The following BBS9 variants were observed in gnomAD, a reference collection of about 807,000 sequenced individuals.
The protein encoded by BBS9 is protein PTHB1.
Under a neutral mutation model 117.7 loss-of-function variants are expected in BBS9, and 89 were observed. The ratio of observed to expected loss-of-function variants is 0.76; its 90% CI spans 0.64 to 0.90. The LOEUF is 0.90. Among genes scored for constraint, BBS9 ranks in the 40% least tolerant of loss-of-function variants. The pLI, the probability that BBS9 is intolerant of heterozygous loss-of-function variation, is 0.00. For missense variants in BBS9, 982 were observed against 1,042.2 expected, an observed-to-expected ratio of 0.94 and a Z score of 0.80; for synonymous variants, 379 against 370.9, an observed-to-expected ratio of 1.02 and a Z score of -0.25.
At chr7:33,543,957 T>C (rs1412671808) in intron 21 of BBS9, among the ~76,000 whole-genome samples, 1 of 152,232 alleles carries the variant, frequency 6.6e-6, no homozygotes, top group African/African-American at 2.4e-5. Flanking sequence ...CTTCGAGCTC[T>C]GATTTTTTTT....
intron 9 of BBS9, among the ~76,000 whole-genome samples, chr7:33,298,893 C>T (rs568766481): frequency 3.9e-5 from 6 of 152,288 alleles, no homozygotes; most frequent in Non-Finnish European, 5.9e-5. Context: ...GAACAAGTCA[C>T]GCTTTTCTTT....
At chr7:33,328,782 TGAAA>T (rs1266768475) in intron 9 of BBS9, among the ~76,000 whole-genome samples, 1 of 152,142 alleles carries the variant, frequency 6.6e-6, no homozygotes, top group Non-Finnish European at 1.5e-5. Flanking sequence ...TATTAGGAAA[TGAAA>T]GAAACCATTT....
At chr7:33,245,717 G>C (rs1470222925) in intron 5 of BBS9, among the ~76,000 whole-genome samples, 1 of 152,096 alleles carries the variant, frequency 6.6e-6, no homozygotes, top group Non-Finnish European at 1.5e-5. Context: ...ATAGTTTCTT[G>C]CTTTTATGAT....
chr7:33,451,400 C>T (rs1189592129), intron 19 of BBS9, among the ~76,000 whole-genome samples: 3 of 152,058 alleles, frequency 2.0e-5, no homozygotes, highest in Admixed American at 6.5e-5. Flanking sequence ...CCCTATTTCC[C>T]TCTTTTATGT....
In BBS9 at chr7:33,315,070, G is replaced by C. The variant is rs117714492; in HGVS notation, c.1017-21371G>C. 3.5e-4 allele frequency among the ~76,000 whole-genome samples: 53 copies of C among 152,306 alleles called. No homozygotes were observed. The East Asian group carries it at 9.8e-3, about 28-fold the overall frequency. ...CTGGACTTAGTTGGATGATTTTTCT[G>C]CTCTTGGCTGGTGTATTGGTTTCCT... On this transcript the variant is annotated intron_variant, in intron 9 of 22. Transcript: ENST00000242067.
chr7:33,240,829 A>T (rs556517105), intron 5 of BBS9, among the ~76,000 whole-genome samples: 1 of 152,176 alleles, frequency 6.6e-6, no homozygotes, highest in Admixed American at 6.5e-5. Context: ...GGTTGGTTAG[A>T]TCTTCTCTGT....
intron 1 of BBS9, among the ~76,000 whole-genome samples, chr7:33,139,786 T>C (rs1001801760): frequency 2.6e-5 from 4 of 152,160 alleles, no homozygotes; most frequent in African/African-American, 9.7e-5. Flanking sequence ...GATGCAGGAG[T>C]GAGCAGAGGA....
intron 9 of BBS9, among the ~76,000 whole-genome samples, chr7:33,300,272 C>G (rs1806112236): frequency 6.6e-6 from 1 of 152,032 alleles, no homozygotes; most frequent in Non-Finnish European, 1.5e-5. Flanking sequence ...TTTTCATTGG[C>G]CAAACTCAAC....
In BBS9 at chr7:33,526,081, C is replaced by G. The variant is rs567493108; in HGVS notation, c.2299-7873C>G. 2.1e-3 allele frequency among the ~76,000 whole-genome samples: 322 copies of G among 151,602 alleles called. 1 individual carries two copies. Among genetic ancestry groups the G allele is most frequent in the African/African-American group, 7.4e-3 (305 of 41,134 alleles). On this transcript the variant is annotated intron_variant, in intron 20 of 22. Coordinates refer to ENST00000242067, the MANE Select transcript of BBS9 (RefSeq NM_198428.3). ...TAAGAATGTTGAATATTGGCCTCCA[C>G]TCTCTTCTGGCTTGTAGGGTTTCTG...
chr7:33,340,982 A>G lies in BBS9; in HGVS notation c.1275+9A>G. On this transcript the variant is annotated intron_variant, in intron 11 of 22. Coordinates refer to ENST00000242067, the MANE Select transcript of BBS9 (RefSeq NM_198428.3). Reference sequence around the variant, plus strand: ...ACTTTGATTCAGTTTCTGTAGGTGTACTTGCAGATTTTAAAGGGGTTTATA... The same window carrying G: ...ACTTTGATTCAGTTTCTGTAGGTGTGCTTGCAGATTTTAAAGGGGTTTATA... 6.2e-7 allele frequency: 1 copy of G among 1,611,096 alleles called. No homozygotes were observed. Among genetic ancestry groups the G allele is most frequent in the Non-Finnish European group, 8.5e-7 (1 of 1,177,416 alleles).
At chr7:33,634,065 C>T (rs1433925704) in intron 21 of BBS9, among the ~76,000 whole-genome samples, 1 of 152,218 alleles carries the variant, frequency 6.6e-6, no homozygotes, top group Admixed American at 6.5e-5. Flanking sequence ...ATCTGGCCAC[C>T]CCGCCTCAGG....
intron 19 of BBS9, among the ~76,000 whole-genome samples, chr7:33,393,539 C>G (rs1031787037): frequency 1.6e-4 from 25 of 152,174 alleles, no homozygotes; most frequent in African/African-American, 6.0e-4. Context: ...TAACAACTTT[C>G]TGATGAGTAG....
chr7:33,431,485 C>A (rs534690558), intron 19 of BBS9, among the ~76,000 whole-genome samples: 1 of 152,038 alleles, frequency 6.6e-6, no homozygotes, highest in Non-Finnish European at 1.5e-5. Context: ...GAAGGTGGAG[C>A]CTTAGGGAGG....
chr7:33,324,422 T>A (rs1252220108), intron 9 of BBS9, among the ~76,000 whole-genome samples: 1 of 152,200 alleles, frequency 6.6e-6, no homozygotes, highest in Non-Finnish European at 1.5e-5. Context: ...CTTATTGTAC[T>A]ATGTATTAAA....
intron 21 of BBS9, among the ~76,000 whole-genome samples, chr7:33,598,291 G>A (rs1326561614): frequency 6.6e-6 from 1 of 150,866 alleles, no homozygotes; most frequent in Non-Finnish European, 1.5e-5. Flanking sequence ...AAGGACATCA[G>A]ACAAATTCCA....
chr7:33,420,895 T>C (rs552740423), intron 19 of BBS9, among the ~76,000 whole-genome samples: 1 of 152,330 alleles, frequency 6.6e-6, no homozygotes, highest in African/African-American at 2.4e-5. Context: ...AAGTTTTTCT[T>C]CACTACCCTT....
At chr7:33,572,775 T>G (rs1415439249) in intron 21 of BBS9, among the ~76,000 whole-genome samples, 3 of 152,078 alleles carry the variant, frequency 2.0e-5, no homozygotes, top group Non-Finnish European at 4.4e-5. Context: ...CTTTTACCCA[T>G]TTTTAATTGG....
At chr7:33,321,188 T>G (rs6955294) in intron 9 of BBS9, among the ~76,000 whole-genome samples, 19,037 of 152,034 alleles carry the variant, frequency 0.13, 1,481 homozygotes, top group African/African-American at 0.21. Context: ...CAGTTTTGTT[T>G]TTCTTGCTCA....
At chr7:33,192,203 G>A (rs751583622) in intron 5 of BBS9, among the ~76,000 whole-genome samples, 28 of 152,120 alleles carry the variant, frequency 1.8e-4, no homozygotes, top group Admixed American at 8.5e-4. Flanking sequence ...ATGTTAAATG[G>A]AAAAGCCTTT....
Sources: allele counts gnomAD v4.1 joint callset (sites outside exome capture counted in the v4.1 genomes callset), GRCh38; gene constraint gnomAD v4.1.1; transcripts MANE v1.5; gene names NCBI Gene and HGNC (gene_info 2026-07-23, HGNC 2026-07-21).